ALDH1A2: variants seen among roughly 807,000 people sequenced by gnomAD.
The protein encoded by ALDH1A2 is retinal dehydrogenase 2.
ALDH1A2 carries 27 observed loss-of-function variants against 60.3 expected under a neutral mutation model. The observed-to-expected ratio is 0.45, with a 90% CI of 0.33 to 0.62. ALDH1A2 has a LOEUF of 0.62. Among genes scored for constraint, ALDH1A2 ranks in the 20% least tolerant of loss-of-function variants. The pLI is 0.02. For synonymous variants in ALDH1A2, 289 were observed against 232.4 expected, an observed-to-expected ratio of 1.24 and a Z score of -2.21; for missense variants, 581 against 643.8, an observed-to-expected ratio of 0.90 and a Z score of 1.06.
chr15:58,013,901 TC>T lies in ALDH1A2; in HGVS notation c.319del (p.Asp107IlefsTer20). On this transcript the variant is annotated frameshift_variant, in exon 3 of 13. Transcript: ENST00000249750. LOFTEE classifies it high-confidence loss of function. ...CCGTTCCACCAAGTCTGCAAGCTTA[TC>T]CAACAGACGTCCCCTTTCTGAAGCA... ...MDASERGRLL[D>X]KLADLVERDR... 1 of 1,614,174 alleles carries T rather than the reference TC, an allele frequency of 6.2e-7. No homozygotes were observed.
At chr15:57,965,976 A>G (rs1000888424) in intron 7 of ALDH1A2, 149 bp from the exon 8 acceptor site, 5 of 701,932 alleles carry the variant, frequency 7.1e-6, no homozygotes, top group Non-Finnish European at 1.3e-5. Context: ...TTGGGTTACA[A>G]GATGTAAGTT....
intron 1 of ALDH1A2, among the ~76,000 whole-genome samples, chr15:58,059,890 A>C (rs1018011848): frequency 2.6e-5 from 4 of 152,236 alleles, no homozygotes; most frequent in Non-Finnish European, 4.4e-5. Context: ...TTAAAAGAAT[A>C]CATAAAACAG....
intron 3 of ALDH1A2, among the ~76,000 whole-genome samples, chr15:58,013,505 T>G (rs778840277): frequency 9.2e-5 from 14 of 152,268 alleles, no homozygotes; most frequent in Middle Eastern, 3.4e-3. Flanking sequence ...ACCTATTCCT[T>G]TGCTTTTTCC....
At chr15:58,006,907 C>T (rs978582784) in intron 4 of ALDH1A2, among the ~76,000 whole-genome samples, 1 of 149,694 alleles carries the variant, frequency 6.7e-6, no homozygotes, top group Non-Finnish European at 1.5e-5. Context: ...TTTAGTGCCA[C>T]ATTTTTCATA....
rs2140524700 is a variant in ALDH1A2 at position 58,019,320 on chromosome 15, T to C, written c.118-5039A>G. On this transcript the variant is annotated intron_variant, in intron 1 of 12. Coordinates refer to ENST00000249750, the MANE Select transcript of ALDH1A2 (RefSeq NM_003888.4). ...TAAAATAAGCCACTCAAGCTCTGTC[T>C]TGAAACATGGCCCAATGATGCCAAA... 1.3e-5 allele frequency among the ~76,000 whole-genome samples: 2 copies of C among 152,324 alleles called. 1 individual carries two copies. Among genetic ancestry groups the C allele is most frequent in the South Asian group, 4.1e-4 (2 of 4,834 alleles).
chr15:57,956,493 T>A (rs1216378319), intron 12 of ALDH1A2, among the ~76,000 whole-genome samples: 2 of 152,140 alleles, frequency 1.3e-5, no homozygotes, highest in African/African-American at 4.8e-5. Flanking sequence ...TGCCAGCACC[T>A]CCTCTGAGCA....
intron 7 of ALDH1A2, among the ~76,000 whole-genome samples, chr15:57,982,332 A>G (rs1363911070): frequency 1.3e-5 from 2 of 152,224 alleles, no homozygotes; most frequent in Non-Finnish European, 2.9e-5. Flanking sequence ...TAGTTTTCTG[A>G]TATGACTGAC....
chr15:57,961,008 G>A (rs1487700344), intron 11 of ALDH1A2, 129 bp downstream of exon 11: 3 of 1,373,826 alleles, frequency 2.2e-6, no homozygotes, highest in Admixed American at 3.7e-5. Flanking sequence ...GCAGTAAGGA[G>A]TGTACCCCTT....
intron 1 of ALDH1A2, among the ~76,000 whole-genome samples, chr15:58,025,501 A>T (rs1453956983): frequency 1.3e-5 from 2 of 152,230 alleles, no homozygotes; most frequent in Non-Finnish European, 2.9e-5. Context: ...AACAAGCAGC[A>T]ATATTGAATC....
At chr15:58,058,480 A>C (rs1045833427) in intron 1 of ALDH1A2, among the ~76,000 whole-genome samples, 13 of 151,818 alleles carry the variant, frequency 8.6e-5, no homozygotes, top group Admixed American at 7.9e-4. Flanking sequence ...AAAAAAAAAA[A>C]AAAAAACCTA....
At chr15:58,042,426 G>C (rs1156494789) in intron 1 of ALDH1A2, among the ~76,000 whole-genome samples, 4 of 151,818 alleles carry the variant, frequency 2.6e-5, no homozygotes, top group Non-Finnish European at 4.4e-5. Flanking sequence ...ATCTACATAA[G>C]GAACAGTAAA....
chr15:58,032,967 A>T (rs1430959971), intron 1 of ALDH1A2, among the ~76,000 whole-genome samples: 3 of 152,118 alleles, frequency 2.0e-5, no homozygotes, highest in African/African-American at 4.8e-5. Context: ...GATCTAAAAA[A>T]TATGAACACA....
intron 1 of ALDH1A2, among the ~76,000 whole-genome samples, chr15:58,023,638 T>C (rs1320326724): frequency 1.9e-5 from 2 of 107,912 alleles, no homozygotes; most frequent in Non-Finnish European, 3.9e-5. Flanking sequence ...GAGAATGAGA[T>C]GGTATATTCA....
At chr15:58,033,789 T>C (rs1896306875) in intron 1 of ALDH1A2, among the ~76,000 whole-genome samples, 2 of 151,336 alleles carry the variant, frequency 1.3e-5, no homozygotes, top group Admixed American at 6.6e-5. Flanking sequence ...CAGGGATCAG[T>C]TGACTACATT....
intron 1 of ALDH1A2, chr15:58,014,595 A>T (rs12903202): frequency 4.3e-6 from 2 of 467,918 alleles, no homozygotes; most frequent in African/African-American, 4.0e-5. Context: ...AGAGTTATCG[A>T]TAGCCCAAGC....
intron 1 of ALDH1A2, among the ~76,000 whole-genome samples, chr15:58,030,831 G>A (rs1896217955): frequency 6.6e-6 from 1 of 152,110 alleles, no homozygotes; most frequent in Non-Finnish European, 1.5e-5. Flanking sequence ...CAAGGGATGT[G>A]AAGGACCTCT....
At chr15:58,029,978 C>G (rs1896188560) in intron 1 of ALDH1A2, among the ~76,000 whole-genome samples, 1 of 152,162 alleles carries the variant, frequency 6.6e-6, no homozygotes, top group South Asian at 2.1e-4. Flanking sequence ...GATCTGGTAC[C>G]ATTCCTTCTG....
At chr15:58,041,087 A>G (rs1656826781) in intron 1 of ALDH1A2, among the ~76,000 whole-genome samples, 2 of 151,890 alleles carry the variant, frequency 1.3e-5, no homozygotes, top group African/African-American at 2.4e-5. Context: ...GTACCATTTC[A>G]AAATAAATTA....
intron 7 of ALDH1A2, among the ~76,000 whole-genome samples, chr15:57,973,211 A>C (rs1894129571): frequency 6.6e-6 from 1 of 152,168 alleles, no homozygotes; most frequent in South Asian, 2.1e-4. Flanking sequence ...ACTTTATTGA[A>C]GTTGTTTATT....
Sources: allele counts gnomAD v4.1 joint callset (sites outside exome capture counted in the v4.1 genomes callset), GRCh38; gene constraint gnomAD v4.1.1; transcripts MANE v1.5; gene names NCBI Gene and HGNC (gene_info 2026-07-23, HGNC 2026-07-21).